The following CAMTA1 variants were observed in gnomAD, a reference collection of about 807,000 sequenced individuals.
The protein encoded by CAMTA1 is calmodulin binding transcription activator 1.
Under a neutral mutation model 170.9 loss-of-function variants are expected in CAMTA1, and 27 were observed. That is an observed-to-expected ratio of 0.16 (90% CI 0.12 to 0.22). The LOEUF (loss-of-function observed/expected upper bound fraction) is 0.22, where lower values mean the gene tolerates loss of function less well. Ranked by LOEUF, CAMTA1 falls within the 10% of genes least tolerant of loss-of-function variation. CAMTA1 has a pLI of 1.00. For synonymous variants in CAMTA1, 833 were observed against 891.5 expected (o/e 0.93, Z 1.17); for missense variants, 1,619 against 2,217.2 (o/e 0.73, Z 5.42).
chr1:7,678,190 G>A lies in CAMTA1; in HGVS notation c.2914+457G>A, dbSNP rs542468820. The stretch of plus-strand genomic sequence containing the variant: ...CCCAAGCCTCTCGAGAAAGAGGACG[G>A]GGAGGCAGCTCAGGCCTGGGCTTCT... On this transcript the variant is annotated intron_variant, in intron 11 of 22. Coordinates refer to ENST00000303635, the MANE Select transcript of CAMTA1 (RefSeq NM_015215.4). 1.1e-3 allele frequency among the ~76,000 whole-genome samples: 165 copies of A among 152,368 alleles called. 2 individuals are homozygous for A. The highest frequency in any genetic ancestry group is 8.8e-3 in the Admixed American group (135 of 15,312).
intron 6 of CAMTA1, among the ~76,000 whole-genome samples, chr1:7,483,694 G>A (rs944784884): frequency 7.9e-5 from 12 of 152,154 alleles, no homozygotes; most frequent in African/African-American, 2.2e-4. Flanking sequence ...AGCCCAGGGC[G>A]GGGAGCAGGG....
At chr1:7,755,547 A>T in intron 21 of CAMTA1, 91 bp from the exon 22 acceptor site, 2 of 1,005,610 alleles carry the variant, frequency 2.0e-6, no homozygotes, top group South Asian at 1.4e-5. Flanking sequence ...ACCATGTTAT[A>T]TTCTTTTTTG....
At chr1:6,921,517 T>C (rs573497096) in intron 3 of CAMTA1, among the ~76,000 whole-genome samples, 2 of 152,372 alleles carry the variant, frequency 1.3e-5, no homozygotes, top group African/African-American at 4.8e-5. Flanking sequence ...TTCCACATTT[T>C]TGGGTATCTT....
At chr1:7,472,212 T>C (rs1295903106) in intron 6 of CAMTA1, among the ~76,000 whole-genome samples, 1 of 152,116 alleles carries the variant, frequency 6.6e-6, no homozygotes, top group East Asian at 1.9e-4. Context: ...ACGAGGACCC[T>C]GGGGCCTTAG....
chr1:7,157,159 C>T (rs578071947), intron 4 of CAMTA1, among the ~76,000 whole-genome samples: 32 of 151,844 alleles, frequency 2.1e-4, no homozygotes, highest in African/African-American at 5.3e-4. Context: ...CTGGCTAACA[C>T]GGTGAAACCC....
chr1:6,966,798 G>T (rs1201095961), intron 3 of CAMTA1, among the ~76,000 whole-genome samples: 1 of 151,448 alleles, frequency 6.6e-6, no homozygotes, highest in African/African-American at 2.4e-5. Flanking sequence ...TTTTAGTAGA[G>T]ACTGGATTTC....
intron 5 of CAMTA1, among the ~76,000 whole-genome samples, chr1:7,296,168 A>G (rs1320644377): frequency 6.6e-6 from 1 of 152,214 alleles, no homozygotes; most frequent in Non-Finnish European, 1.5e-5. Flanking sequence ...AAGTGAGAAG[A>G]GCCAGAGAGA....
intron 3 of CAMTA1, among the ~76,000 whole-genome samples, chr1:6,834,058 T>G (rs1359489175): frequency 6.6e-6 from 1 of 152,052 alleles, no homozygotes; most frequent in African/African-American, 2.4e-5. Context: ...CTTTGAAGAT[T>G]TGTCTTTGAA....
At chr1:6,836,648 G>A (rs1048682657) in intron 3 of CAMTA1, among the ~76,000 whole-genome samples, 2 of 152,144 alleles carry the variant, frequency 1.3e-5, no homozygotes, top group African/African-American at 2.4e-5. Context: ...CAGGTGGGGC[G>A]TCTGCGGTAG....
At chr1:7,279,580 A>G (rs2149448104) in intron 5 of CAMTA1, among the ~76,000 whole-genome samples, 1 of 152,264 alleles carries the variant, frequency 6.6e-6, no homozygotes, top group Admixed American at 6.5e-5. Flanking sequence ...GGCTCTGAGC[A>G]TTGTCAGAAC....
chr1:7,132,914 T>C lies in CAMTA1; in HGVS notation c.302+41543T>C, dbSNP rs536523180. ...TTGTTAATAGGGTAAATTACCTTAA[T>C]TGATTTTCAAATGTTAAACCTACAT... is the stretch of plus-strand genomic sequence containing the variant. On this transcript the variant is annotated intron_variant, in intron 4 of 22. Coordinates refer to ENST00000303635, the MANE Select transcript of CAMTA1 (RefSeq NM_015215.4). 2.0e-5 allele frequency among the ~76,000 whole-genome samples: 3 copies of C among 152,344 alleles called. No homozygotes were observed. In the East Asian group the frequency reaches 5.8e-4, roughly 29 times the overall value.
chr1:7,002,975 GTAAAGAGC>G (rs1307068670), intron 3 of CAMTA1, among the ~76,000 whole-genome samples: 3 of 145,672 alleles, frequency 2.1e-5, no homozygotes, highest in African/African-American at 8.5e-5. Context: ...AAGGAACATG[GTAAAGAGC>G]ATGGTAAATT....
intron 5 of CAMTA1, among the ~76,000 whole-genome samples, chr1:7,384,849 A>G (rs2149088146): frequency 1.3e-5 from 2 of 152,218 alleles, no homozygotes; most frequent in African/African-American, 4.8e-5. Context: ...GGACATGTCC[A>G]ACTACCTCTT....
chr1:6,803,443 A>G (rs1477212052), intron 1 of CAMTA1, among the ~76,000 whole-genome samples: 1 of 152,074 alleles, frequency 6.6e-6, no homozygotes, highest in African/African-American at 2.4e-5. Context: ...TTTTCATGGT[A>G]GAAGGAGGAA....
Position 7,299,678 on chromosome 1 carries a change from C to T in CAMTA1, c.438+50052C>T, listed in dbSNP as rs1029436058. ...AATGCCCCAACCCCACACAGAGACA[C>T]ACGCCCAATCAGTGCCCTGTACAAG... On this transcript the variant is annotated intron_variant, in intron 5 of 22. Coordinates refer to ENST00000303635, the MANE Select transcript of CAMTA1 (RefSeq NM_015215.4). The surrounding 1 kb of genome is among the most constrained non-coding windows in gnomAD (Gnocchi z 4.7). 1.3e-5 allele frequency among the ~76,000 whole-genome samples: 2 copies of T among 152,220 alleles called. No homozygotes were observed. Among genetic ancestry groups the T allele is most frequent in the African/African-American group, 4.8e-5 (2 of 41,458 alleles).
chr1:6,892,599 T>TTC (rs1228362040), intron 3 of CAMTA1, among the ~76,000 whole-genome samples: 1 of 74,072 alleles, frequency 1.4e-5, no homozygotes, highest in Non-Finnish European at 3.7e-5. Flanking sequence ...TTTCTTTTCT[T>TTC]TTTTTTTTTT....
chr1:6,882,449 T>C (rs1671883674), intron 3 of CAMTA1, among the ~76,000 whole-genome samples: 1 of 152,196 alleles, frequency 6.6e-6, no homozygotes, highest in South Asian at 2.1e-4. Flanking sequence ...ATATGGGTTA[T>C]GTTTGAAAGG....
At chr1:7,606,776 G>C (rs980191953) in intron 6 of CAMTA1, among the ~76,000 whole-genome samples, 8 of 152,192 alleles carry the variant, frequency 5.3e-5, no homozygotes, top group African/African-American at 1.9e-4. Flanking sequence ...TGATGAGAGA[G>C]GACAGCGCCA....
intron 5 of CAMTA1, among the ~76,000 whole-genome samples, chr1:7,396,614 A>G (rs2089329999): frequency 6.6e-6 from 1 of 152,190 alleles, no homozygotes; most frequent in Non-Finnish European, 1.5e-5. Flanking sequence ...CCAGTTCAAT[A>G]TGATGTTAGC....
Sources: allele counts gnomAD v4.1 joint callset (sites outside exome capture counted in the v4.1 genomes callset), GRCh38; gene constraint gnomAD v4.1.1; non-coding constraint Gnocchi (gnomAD v3.1); transcripts MANE v1.5; gene names NCBI Gene and HGNC (gene_info 2026-07-23, HGNC 2026-07-21).